Variants in KALRN observed in about 807,000 individuals in gnomAD.
KALRN encodes kalirin.
KALRN carries 70 observed loss-of-function variants against 353.7 expected under a neutral mutation model. That is an observed-to-expected ratio of 0.20 (90% CI 0.16 to 0.24). The LOEUF (loss-of-function observed/expected upper bound fraction) is 0.24, where lower values mean the gene tolerates loss of function less well. Among genes scored for constraint, KALRN ranks in the 10% least tolerant of loss-of-function variants. KALRN has a pLI of 1.00. For synonymous variants in KALRN, 1,391 were observed against 1,434.8 expected (o/e 0.97, Z 0.69); for missense variants, 2,791 against 3,756.7 (o/e 0.74, Z 6.72).
intron 34 of KALRN, among the ~76,000 whole-genome samples, chr3:124,602,134 A>G (rs67026356): frequency 0.15 from 23,517 of 152,206 alleles, 1,947 homozygotes; most frequent in Middle Eastern, 0.19. Context: ...AAAAGAAATG[A>G]CATTTTGGCT....
intron 3 of KALRN, among the ~76,000 whole-genome samples, chr3:124,247,891 A>AG (rs1309541762): frequency 6.6e-6 from 1 of 152,186 alleles, no homozygotes; most frequent in Non-Finnish European, 1.5e-5. Context: ...TTGAAAAAAA[A>AG]AAGTCTCCCC....
Position 124,237,009 on chromosome 3 carries a change from C to T in KALRN, c.263+2066C>T, listed in dbSNP as rs186463347. Among the ~76,000 whole-genome samples, 430 of 152,284 alleles carry T rather than the reference C, an allele frequency of 2.8e-3. 1 individual carries two copies. Among genetic ancestry groups the T allele is most frequent in the African/African-American group, 9.8e-3 (406 of 41,568 alleles). ...TGAAGAGTGTAAGTGCCTGGCAGGC[C>T]GCAGAGTTCACCTAGTCATGCCCAC... On this transcript the variant is annotated intron_variant, in intron 3 of 59. Transcript: ENST00000682506.
At position 124,347,192 on chromosome 3, in the gene KALRN, C is replaced by G. The variant is rs1453598096; in HGVS notation, c.1697C>G (p.Thr566Ser). The change falls in exon 10 of 60, where the codon ACT (threonine) becomes AGT (serine). Residue 566 changes from threonine to serine, a missense_variant. Thr to Ser is a moderately conservative substitution (Grantham distance 58). Around this residue, in one of 11 missense-constraint regions of KALRN, gnomAD observed 15 missense variants for 54.6 expected, o/e 0.27. Transcript: ENST00000682506. ...GGTGAGGCCTTTCTCAGCAAACACACTGGAGTTGGGAAGTCCCTACATCGA... is the reference window on the plus strand; with the variant it reads ...GGTGAGGCCTTTCTCAGCAAACACAGTGGAGTTGGGAAGTCCCTACATCGA... The part of the protein sequence containing the change: ...NHGEAFLSKH[T>S]GVGKSLHRAR... 1 of 1,613,794 alleles carries G rather than the reference C, an allele frequency of 6.2e-7. No individual in the cohort carries two copies. Among genetic ancestry groups the G allele is most frequent in the East Asian group, 2.2e-5 (1 of 44,822 alleles).
At chr3:124,469,764 A>T (rs1446691675) in intron 25 of KALRN, among the ~76,000 whole-genome samples, 1 of 152,192 alleles carries the variant, frequency 6.6e-6, no homozygotes, top group Non-Finnish European at 1.5e-5. Context: ...GCGTTCCAAC[A>T]AGCAAATGCA....
chr3:124,492,134 A>G (rs990411707), intron 31 of KALRN, among the ~76,000 whole-genome samples: 1 of 152,222 alleles, frequency 6.6e-6, no homozygotes, highest in Admixed American at 6.5e-5. Flanking sequence ...AAAGCTTCAC[A>G]TGTATTCACT....
chr3:124,250,994 G>T (rs1282794038), intron 3 of KALRN, among the ~76,000 whole-genome samples: 1 of 152,182 alleles, frequency 6.6e-6, no homozygotes, highest in African/African-American at 2.4e-5. Context: ...CAGACTCTAG[G>T]AGCAATGGTT....
At chr3:124,136,294 AG>A (rs1415588901) in intron 1 of KALRN, among the ~76,000 whole-genome samples, 1 of 152,098 alleles carries the variant, frequency 6.6e-6, no homozygotes, top group African/African-American at 2.4e-5. Context: ...TTAAAACACA[AG>A]TTGTTTGCCC....
intron 5 of KALRN, 88 bp from the exon 6 acceptor site, chr3:124,298,703 G>C: frequency 6.8e-7 from 1 of 1,474,768 alleles, no homozygotes; most frequent in Non-Finnish European, 9.4e-7. Context: ...CAGCAGGAGA[G>C]CTTTTTCCCC....
At chr3:124,417,209 G>A (rs2092553663) in intron 14 of KALRN, among the ~76,000 whole-genome samples, 1 of 152,210 alleles carries the variant, frequency 6.6e-6, no homozygotes, top group African/African-American at 2.4e-5. Flanking sequence ...CTGAATTCAA[G>A]GTCCAGTTCC....
At chr3:124,272,303 C>G (rs1225916300) in intron 5 of KALRN, among the ~76,000 whole-genome samples, 3 of 152,172 alleles carry the variant, frequency 2.0e-5, no homozygotes, top group Non-Finnish European at 2.9e-5. Context: ...AATGATGTTT[C>G]AGGACAACAG....
At chr3:124,208,007 T>C (rs1343879984) in intron 1 of KALRN, among the ~76,000 whole-genome samples, 1 of 152,154 alleles carries the variant, frequency 6.6e-6, no homozygotes, top group African/African-American at 2.4e-5. Context: ...CCACAGACAT[T>C]GTTAACAGTG....
intron 37 of KALRN, among the ~76,000 whole-genome samples, chr3:124,642,806 G>GTTTTTTTTTTGTTGTT (rs1553707031): frequency 1.0e-5 from 1 of 96,840 alleles, no homozygotes; most frequent in African/African-American, 4.5e-5. Context: ...CCCAAGCCTC[G>GTTTTTTTTTTGTTGTT]TTTTTTTTTT....
chr3:124,343,643 T>C (rs1272604447), intron 9 of KALRN, among the ~76,000 whole-genome samples: 1 of 152,226 alleles, frequency 6.6e-6, no homozygotes, highest in Non-Finnish European at 1.5e-5. Flanking sequence ...GCTGGTCTTT[T>C]CAATTCCTAA....
At chr3:124,495,698 C>A (rs1382667931) in intron 32 of KALRN, among the ~76,000 whole-genome samples, 8 of 140,486 alleles carry the variant, frequency 5.7e-5, no homozygotes, top group African/African-American at 2.1e-4. Context: ...CCAGTGCATT[C>A]CAGCCTGGGT....
At chr3:124,641,204 A>G (rs1208406366) in intron 37 of KALRN, among the ~76,000 whole-genome samples, 2 of 152,184 alleles carry the variant, frequency 1.3e-5, no homozygotes, top group Non-Finnish European at 2.9e-5. Flanking sequence ...CAGTGCAGAT[A>G]AAACTCCCGA....
At chr3:124,481,698 A>G (rs777571048) in intron 27 of KALRN, among the ~76,000 whole-genome samples, 3 of 152,170 alleles carry the variant, frequency 2.0e-5, no homozygotes, top group Non-Finnish European at 4.4e-5. Context: ...TAAACACACA[A>G]TGATTATTTC....
At chr3:124,333,084 G>A (rs894212909) in intron 8 of KALRN, among the ~76,000 whole-genome samples, 1 of 152,192 alleles carries the variant, frequency 6.6e-6, no homozygotes, top group African/African-American at 2.4e-5. Context: ...AGTCAAGAGA[G>A]TGAGTGCAGG....
intron 5 of KALRN, among the ~76,000 whole-genome samples, chr3:124,294,626 G>A (rs954258831): frequency 6.8e-6 from 1 of 146,164 alleles, no homozygotes; most frequent in Non-Finnish European, 1.5e-5. Flanking sequence ...CCGGGTTCAA[G>A]TGATTCTCCT....
chr3:124,123,061 C>A (rs1020167280), intron 1 of KALRN, among the ~76,000 whole-genome samples: 1 of 151,962 alleles, frequency 6.6e-6, no homozygotes, highest in Non-Finnish European at 1.5e-5. Context: ...ATTAGCCAGG[C>A]GTGGTGGCAC....
Sources: allele counts gnomAD v4.1 joint callset (sites outside exome capture counted in the v4.1 genomes callset), GRCh38; gene constraint gnomAD v4.1.1; regional missense constraint gnomAD v4.1.1; transcripts MANE v1.5; gene names NCBI Gene and HGNC (gene_info 2026-07-23, HGNC 2026-07-21).